Variants in HTR4 observed in about 807,000 individuals in gnomAD.
HTR4 encodes 5-hydroxytryptamine (serotonin) receptor 4, G protein-coupled.
A neutral mutation model predicts 36.8 loss-of-function variants in HTR4; 16 were observed. The ratio of observed to expected loss-of-function variants is 0.43; its 90% CI spans 0.29 to 0.66. HTR4 has a LOEUF of 0.66. HTR4 is among the 30% of genes least tolerant of loss of function. The pLI is 0.13. For missense variants in HTR4, 438 were observed against 490.9 expected (o/e 0.89, Z 1.02); for synonymous variants, 189 against 185.1 (o/e 1.02, Z -0.17).
intron 2 of HTR4, among the ~76,000 whole-genome samples, chr5:148,561,562 CT>C (rs1399641095): frequency 6.6e-6 from 1 of 152,054 alleles, no homozygotes; most frequent in Non-Finnish European, 1.5e-5. Flanking sequence ...GATTTCTTTT[CT>C]TTACAAGATC....
chr5:148,652,650 A>G (rs1188618809), intron 1 of HTR4, among the ~76,000 whole-genome samples: 4 of 152,164 alleles, frequency 2.6e-5, no homozygotes, highest in African/African-American at 9.7e-5. Flanking sequence ...TCTGCTCGAT[A>G]TGAACTGAAC....
At chr5:148,622,419 T>C (rs554975096) in intron 2 of HTR4, among the ~76,000 whole-genome samples, 22 of 152,194 alleles carry the variant, frequency 1.4e-4, no homozygotes, top group Non-Finnish European at 2.5e-4. Context: ...TACTTAACCT[T>C]TCCACATGTC....
At chr5:148,514,102 T>C (rs187935837) in intron 5 of HTR4, among the ~76,000 whole-genome samples, 12 of 152,298 alleles carry the variant, frequency 7.9e-5, no homozygotes, top group Admixed American at 7.8e-4. Context: ...TATCACTTTC[T>C]CTTGCTTTAT....
intron 3 of HTR4, 51 bp from the exon 4 acceptor site, chr5:148,548,919 A>G (rs1199223236): frequency 7.7e-7 from 1 of 1,304,110 alleles, no homozygotes; most frequent in East Asian, 2.4e-5. Context: ...ATGAAGGGAA[A>G]AAGGGGAGGG....
At chr5:148,550,405 C>T (rs1759624556) in intron 2 of HTR4, 143 bp from the exon 3 acceptor site, 1 of 906,508 alleles carries the variant, frequency 1.1e-6, no homozygotes, top group Admixed American at 2.5e-5. Flanking sequence ...TTAATGTACA[C>T]CAAAATCTGA....
intron 1 of HTR4, among the ~76,000 whole-genome samples, chr5:148,640,356 C>A (rs1022594618): frequency 2.0e-5 from 3 of 152,210 alleles, no homozygotes; most frequent in Admixed American, 1.3e-4. Context: ...GCTGGTCGAT[C>A]AGAATAGTCC....
At chr5:148,456,712 T>C (rs1755110147) in intron 5 of HTR4, among the ~76,000 whole-genome samples, 1 of 152,136 alleles carries the variant, frequency 6.6e-6, no homozygotes, top group Admixed American at 6.5e-5. Context: ...AATAAATAAA[T>C]CCGGAATCAT....
Position 148,509,464 on chromosome 5 carries a change from A to G in HTR4, c.1068T>C (p.His356=), listed in dbSNP as rs34804134. 5,774 of 1,606,710 alleles carry G rather than the reference A, an allele frequency of 3.6e-3. 171 individuals are homozygous for G. The African/African-American group carries it at 0.068, about 19-fold the overall frequency. ...TCCCTTAGTATACTCACCTTAGTAC[A>G]TGTGTGGATCCATTAATGGTTGTGG... ...CSTTTINGST[H]VLRDAVECGG... The change falls in exon 6 of 7, where the codon CAT becomes CAC. Residue 356 remains histidine, a synonymous_variant. Coordinates refer to ENST00000377888, the MANE Select transcript of HTR4 (RefSeq NM_000870.7).
At chr5:148,469,767 G>A (rs1755518744) in intron 5 of HTR4, among the ~76,000 whole-genome samples, 2 of 152,188 alleles carry the variant, frequency 1.3e-5, no homozygotes, top group Non-Finnish European at 2.9e-5. Context: ...CTCCTAGGAT[G>A]CAAAGTATAT....
chr5:148,614,360 C>A (rs1203655102), intron 2 of HTR4, among the ~76,000 whole-genome samples: 1 of 151,898 alleles, frequency 6.6e-6, no homozygotes, highest in Non-Finnish European at 1.5e-5. Context: ...CAGAACAGAG[C>A]CCTCAGAAAT....
At chr5:148,574,221 A>G (rs1398770975) in intron 2 of HTR4, among the ~76,000 whole-genome samples, 1 of 152,094 alleles carries the variant, frequency 6.6e-6, no homozygotes, top group Non-Finnish European at 1.5e-5. Context: ...TTTCTTTATA[A>G]AAACCAGCAC....
intron 2 of HTR4, among the ~76,000 whole-genome samples, chr5:148,557,747 G>A (rs1760019274): frequency 7.4e-5 from 11 of 148,352 alleles, no homozygotes; most frequent in Admixed American, 6.1e-4. Context: ...GTGAATATAT[G>A]TATGTATAAT....
intron 2 of HTR4, among the ~76,000 whole-genome samples, chr5:148,621,936 G>A (rs1008487644): frequency 6.6e-6 from 1 of 152,148 alleles, no homozygotes; most frequent in Admixed American, 6.6e-5. Context: ...TCAACATCAA[G>A]TCATTCTTGC....
chr5:148,480,828 G>A (rs775310557), downstream of HTR4, among the ~76,000 whole-genome samples: 7 of 152,028 alleles, frequency 4.6e-5, no homozygotes, highest in African/African-American at 1.4e-4. Flanking sequence ...CATAGTCCTC[G>A]AGTGCTCAGG....
chr5:148,581,297 C>T (rs1006692604), intron 2 of HTR4, among the ~76,000 whole-genome samples: 1 of 151,802 alleles, frequency 6.6e-6, no homozygotes, highest in African/African-American at 2.4e-5. Context: ...TTTCATAGGT[C>T]GCCTTTTCAC....
intron 2 of HTR4, among the ~76,000 whole-genome samples, chr5:148,560,809 C>T (rs1760172287): frequency 6.6e-6 from 1 of 151,992 alleles, no homozygotes; most frequent in African/African-American, 2.4e-5. Flanking sequence ...TATTGCAAGT[C>T]CAGTATTTCT....
At chr5:148,607,530 A>T (rs1752230986) in intron 2 of HTR4, among the ~76,000 whole-genome samples, 1 of 152,136 alleles carries the variant, frequency 6.6e-6, no homozygotes, top group Non-Finnish European at 1.5e-5. Flanking sequence ...TTTCCTAAGA[A>T]GGCCCCAACT....
chr5:148,591,345 G>GT (rs560156300), intron 2 of HTR4, among the ~76,000 whole-genome samples: 3 of 151,966 alleles, frequency 2.0e-5, no homozygotes, highest in African/African-American at 4.8e-5. Flanking sequence ...TTTAAAATAG[G>GT]TTTTTTTAAT....
intron 1 of HTR4, chr5:148,644,954 T>C (rs1361048080): frequency 6.6e-6 from 1 of 152,234 alleles, no homozygotes; most frequent in Non-Finnish European, 1.5e-5. Flanking sequence ...AAATCTAATA[T>C]GAATACACTG....
Sources: allele counts gnomAD v4.1 joint callset (sites outside exome capture counted in the v4.1 genomes callset), GRCh38; gene constraint gnomAD v4.1.1; transcripts MANE v1.5; gene names NCBI Gene and HGNC (gene_info 2026-07-23, HGNC 2026-07-21).